FBXL18: variants seen among roughly 807,000 people sequenced by gnomAD.
FBXL18 encodes F-box/LRR-repeat protein 18.
A neutral mutation model predicts 46.0 loss-of-function variants in FBXL18; 36 were observed. That is an observed-to-expected ratio of 0.78 (90% confidence interval 0.60 to 1.03). The LOEUF is 1.03. Ranked by LOEUF, FBXL18 falls within the 50% of genes least tolerant of loss-of-function variation. FBXL18 has a pLI of 0.00. For synonymous variants in FBXL18, 557 were observed against 465.3 expected, an observed-to-expected ratio of 1.20 and a Z score of -2.54; for missense variants, 977 against 1,004.1, an observed-to-expected ratio of 0.97 and a Z score of 0.36.
intron 4 of FBXL18, chr7:5,490,045 AC>A: frequency 1.5e-6 from 2 of 1,341,110 alleles, no homozygotes; most frequent in Non-Finnish European, 2.0e-6. Context: ...GGAAACCCCA[AC>A]CAGGATTATT....
intron 4 of FBXL18, among the ~76,000 whole-genome samples, chr7:5,485,173 C>T (rs1223355577): frequency 1.3e-5 from 2 of 152,150 alleles, no homozygotes; most frequent in Non-Finnish European, 2.9e-5. Flanking sequence ...TCTGTCTCTG[C>T]GGCCAGGAAG....
intron 4 of FBXL18, among the ~76,000 whole-genome samples, chr7:5,490,479 G>A (rs1161025889): frequency 3.3e-5 from 5 of 152,238 alleles, no homozygotes; most frequent in Non-Finnish European, 5.9e-5. Context: ...GAGGGGAAGC[G>A]GAGATGCTAG....
chr7:5,456,846 C>T (rs1371652771), intron 4 of FBXL18, among the ~76,000 whole-genome samples: 1 of 152,174 alleles, frequency 6.6e-6, no homozygotes, highest in Non-Finnish European at 1.5e-5. Flanking sequence ...TCACTGCAAC[C>T]TCCATCTCCT....
intron 2 of FBXL18, among the ~76,000 whole-genome samples, chr7:5,504,703 C>T (rs982989815): frequency 1.3e-5 from 2 of 149,060 alleles, no homozygotes; most frequent in Admixed American, 1.3e-4. Context: ...ATCACGAGGT[C>T]AGGAGATCGA....
intron 3 of FBXL18, among the ~76,000 whole-genome samples, chr7:5,492,539 C>T (rs1036036495): frequency 3.9e-5 from 6 of 151,990 alleles, no homozygotes; most frequent in South Asian, 2.1e-4. Context: ...TGAGCTGCGA[C>T]GCCCCCCCAC....
At position 5,496,001 on chromosome 7, in the gene FBXL18, G is replaced by A. The variant is rs1276893071; in HGVS notation, c.1781+4487C>T. The A allele has an allele frequency of 4.8e-6, 2 of 415,298 alleles. No individual in the cohort carries two copies. Among genetic ancestry groups the A allele is most frequent in the African/African-American group, 4.1e-5 (2 of 48,560 alleles). 25.7% of individuals were successfully genotyped at this position (415,298 alleles called of 1,614,324 possible). On this transcript the variant is annotated intron_variant, in intron 3 of 4. Coordinates refer to ENST00000382368, the MANE Select transcript of FBXL18 (RefSeq NM_024963.6). The surrounding 1 kb of genome is among the most constrained non-coding windows in gnomAD (Gnocchi z 4.8). ...CCCACAAAACCCACAGAACCCGCAG[G>A]CCTCTCCGCGCCTTCTCCATGGCCC... is the stretch of plus-strand genomic sequence containing the variant.
downstream of FBXL18, among the ~76,000 whole-genome samples, chr7:5,471,567 C>A (rs1365089398): frequency 6.6e-6 from 1 of 152,044 alleles, no homozygotes; most frequent in Non-Finnish European, 1.5e-5. Context: ...CCCGCCATCA[C>A]GCCCGGCTAA....
chr7:5,481,963 A>G (rs1313324239), intron 4 of FBXL18, 32 bp from the exon 5 acceptor site: 5 of 1,572,598 alleles, frequency 3.2e-6, no homozygotes, highest in South Asian at 1.2e-5. Context: ...AGCGGATTAC[A>G]TGGGTGGCCA....
chr7:5,495,739 G>C (rs905091963), intron 3 of FBXL18: 2 of 465,420 alleles, frequency 4.3e-6, no homozygotes, highest in African/African-American at 4.0e-5. Flanking sequence ...TCCTGCCCAC[G>C]GGCAAGCGAG....
rs549159222 is a variant in FBXL18, at chr7:5,485,332, C to T, written c.2001-3401G>A. On this transcript the variant is annotated intron_variant, in intron 4 of 4. Transcript: ENST00000382368. ...TTGGCAGTCAGAGGGCACTCCTGTG[C>T]GGCTTCATAGTCTGCTACGTACATA... 2.6e-5 allele frequency among the ~76,000 whole-genome samples: 4 copies of T among 152,250 alleles called. 1 individual carries two copies. The highest frequency in any genetic ancestry group is 4.1e-4 in the South Asian group (2 of 4,824).
At chr7:5,483,896 C>T (rs906228370) in intron 4 of FBXL18, among the ~76,000 whole-genome samples, 5 of 152,296 alleles carry the variant, frequency 3.3e-5, no homozygotes, top group East Asian at 1.9e-4. Flanking sequence ...AAGAGGACGA[C>T]GGGGTCCAGC....
In FBXL18 at chr7:5,465,856, C is replaced by T. The variant is rs539237803; in HGVS notation, c.2001-18013G>A. On this transcript the variant is annotated intron_variant and NMD_transcript_variant, in intron 4 of 6. Transcript: ENST00000415009. ...TTTTGGAAATGGAGTCTTAGTCTGT[C>T]GCCCAGTCTGGAGTGCAGGGGCACA... Among the ~76,000 whole-genome samples the T allele has an allele frequency of 1.6e-4, 24 of 149,870 alleles. No homozygotes were observed. In the South Asian group the frequency reaches 4.8e-3, roughly 30 times the overall value.
At position 5,481,540 on chromosome 7, in the gene FBXL18, A is replaced by G; in HGVS notation, c.*235T>C. 2.3e-6 allele frequency: 1 copy of G among 430,828 alleles called. No homozygotes were observed. Among genetic ancestry groups the G allele is most frequent in the Non-Finnish European group, 4.2e-6 (1 of 236,950 alleles). The allele number at this position is 430,828 out of a possible 1,614,324, so 26.7% of individuals were successfully genotyped here. On this transcript the variant is annotated 3_prime_UTR_variant, in exon 5 of 5. Coordinates refer to ENST00000382368, the MANE Select transcript of FBXL18 (RefSeq NM_024963.6). The stretch of plus-strand genomic sequence containing the variant: ...CTGGTTCAGCCAGCCCCCCACATCG[A>G]CCGTCCCCCGAGCCCCCTCATGTCA...
chr7:5,459,086 G>A (rs904315279), intron 4 of FBXL18, among the ~76,000 whole-genome samples: 10 of 152,178 alleles, frequency 6.6e-5, no homozygotes, highest in African/African-American at 1.9e-4. Context: ...CCAGGAAGTC[G>A]AGGCTGCAGT....
rs556044179 is a variant in FBXL18, at chr7:5,479,658, C to G, written c.*2117G>C. On this transcript the variant is annotated 3_prime_UTR_variant, in exon 5 of 5. Transcript: ENST00000382368. ...GTCCTGCGGCCTGCAGACTAGGAGA[C>G]GGGGCCTAGGGGTGTGGCTCTCACA... 4.6e-5 allele frequency: 7 copies of G among 152,474 alleles called. No individual in the cohort carries two copies. In the East Asian group the frequency reaches 1.4e-3, roughly 29 times the overall value. The allele number at this position is 152,474 out of a possible 1,614,324, so 9.4% of individuals were successfully genotyped here.
rs764421613 is a variant in FBXL18 at position 5,500,983 on chromosome 7, G to A, written c.1286C>T (p.Ala429Val). 42 of 1,557,492 alleles carry A rather than the reference G, an allele frequency of 2.7e-5. No individual in the cohort carries two copies. Among genetic ancestry groups the A allele is most frequent in the Non-Finnish European group, 3.4e-5 (39 of 1,157,654 alleles). Residue 429 changes from alanine (A) to valine (V), a missense_variant, in exon 3 of 5, where the codon GCG becomes GTG. Ala to Val is a moderately conservative substitution (Grantham distance 64). Transcript: ENST00000382368. ...SLPVCSVADS[A>V]PRADRAPAQP... ...GGCGGGCGCGCGGTCGGCGCGCGGCGCGGAGTCAGCGACAGAGCAGACAGG... is the reference window on the plus strand; with the variant it reads ...GGCGGGCGCGCGGTCGGCGCGCGGCACGGAGTCAGCGACAGAGCAGACAGG...
At chr7:5,470,244 C>T (rs1338461941) in intron 4 of FBXL18, among the ~76,000 whole-genome samples, 1 of 152,154 alleles carries the variant, frequency 6.6e-6, no homozygotes, top group Non-Finnish European at 1.5e-5. Flanking sequence ...GAGGCCGATC[C>T]CCAGAGGGAC....
rs1172235217 is a variant in FBXL18, at chr7:5,477,449, TCCTAG to T, written c.*4321_*4325del. Among the ~76,000 whole-genome samples, 2 of 152,132 alleles carry T rather than the reference TCCTAG, an allele frequency of 1.3e-5. No individual in the cohort carries two copies. ...CAGGCACGGTGGCTCACACCTGTTA[TCCTAG>T]CACTTTGGGAGGCCGAGGCAGGAGA... On this transcript the variant is annotated 3_prime_UTR_variant, in exon 5 of 5. Coordinates refer to ENST00000382368, the MANE Select transcript of FBXL18 (RefSeq NM_024963.6). This position sits in a 1 kb window ranked among gnomAD's most constrained non-coding sequence, Gnocchi z 4.4.
intron 4 of FBXL18, among the ~76,000 whole-genome samples, chr7:5,456,654 A>G (rs1280995735): frequency 2.7e-5 from 4 of 149,366 alleles, no homozygotes; most frequent in East Asian, 2.0e-4. Context: ...AAAAAAAAAA[A>G]GGCATGGAAA....
Sources: allele counts gnomAD v4.1 joint callset (sites outside exome capture counted in the v4.1 genomes callset), GRCh38; gene constraint gnomAD v4.1.1; non-coding constraint Gnocchi (gnomAD v3.1); transcripts MANE v1.5; gene names NCBI Gene and HGNC (gene_info 2026-07-23, HGNC 2026-07-21).